MTM1: variants seen among roughly 807,000 people sequenced by gnomAD.
The protein encoded by MTM1 is myotubularin.
MTM1 carries 9 observed loss-of-function variants against 52.1 expected under a neutral mutation model. The ratio of observed to expected loss-of-function variants is 0.17; its 90% CI spans 0.10 to 0.30. MTM1 has a LOEUF of 0.30. MTM1 is among the 10% of genes least tolerant of loss of function. MTM1 has a pLI of 1.00. For missense variants in MTM1, 277 were observed against 470.7 expected (o/e 0.59, Z 3.81); for synonymous variants, 136 against 163.8 (o/e 0.83, Z 1.29).
At chrX:150,629,834 C>T (rs1480184631) in intron 6 of MTM1, among the ~76,000 whole-genome samples, 2 of 111,464 alleles carry the variant, frequency 1.8e-5, no homozygotes, top group Admixed American at 1.9e-4. Flanking sequence ...ACCCAGGTTT[C>T]AGTTTATTGT....
At chrX:150,626,145 A>G (rs906717975) in intron 6 of MTM1, among the ~76,000 whole-genome samples, 3 of 112,353 alleles carry the variant, frequency 2.7e-5, no homozygotes, top group East Asian at 5.6e-4. Flanking sequence ...AAACACTACC[A>G]TATCTACCCC....
At chrX:150,654,824 T>C (rs2040083160) in intron 10 of MTM1, among the ~76,000 whole-genome samples, 1 of 111,616 alleles carries the variant, frequency 9.0e-6, no homozygotes, top group Non-Finnish European at 1.9e-5. Flanking sequence ...TTCCTTGAAT[T>C]GGGTAAAATG....
chrX:150,668,718 TA>T (rs370935351), intron 14 of MTM1, among the ~76,000 whole-genome samples: 8 of 104,576 alleles, frequency 7.6e-5, no homozygotes, highest in African/African-American at 2.1e-4. Context: ...CCTGTCTCTT[TA>T]AAAAAAAAAC....
intron 4 of MTM1, among the ~76,000 whole-genome samples, chrX:150,606,785 C>T (rs1319620742): frequency 9.2e-6 from 1 of 108,248 alleles, no homozygotes; most frequent in Non-Finnish European, 1.9e-5. Flanking sequence ...TGTGAATCTG[C>T]TCAACTTCCT....
At chrX:150,583,229 TTA>T (rs1198427631) in intron 1 of MTM1, among the ~76,000 whole-genome samples, 6 of 68,737 alleles carry the variant, frequency 8.7e-5, no homozygotes, top group East Asian at 4.6e-4. Context: ...ATTATATAAA[TTA>T]TATATAAATT....
At position 150,659,679 on chromosome X, in the gene MTM1, G is replaced by A. The variant is rs1557414596; in HGVS notation, c.1276G>A (p.Asp426Asn). Reference protein sequence around the residue: ...HKFASRIGHGDKNHTDADRSP... With the variant: ...HKFASRIGHGNKNHTDADRSP... Reference sequence around the variant, plus strand: ...ATTTATTCAGCGAATAGGTCATGGTGATAAAAACCACACCGATGCTGACCG... The same window carrying A: ...ATTTATTCAGCGAATAGGTCATGGTAATAAAAACCACACCGATGCTGACCG... Residue 426 changes from aspartate to asparagine, a missense_variant, in exon 12 of 15, where the codon GAT becomes AAT. Coordinates refer to ENST00000370396, the MANE Select transcript of MTM1 (RefSeq NM_000252.3). 2 of 1,210,502 alleles carry A rather than the reference G, an allele frequency of 1.7e-6. No homozygotes were observed. The highest frequency in any genetic ancestry group is 1.7e-5 in the African/African-American group (1 of 57,783).
At chrX:150,662,112 A>G (rs1049009679) in intron 13 of MTM1, among the ~76,000 whole-genome samples, 3 of 111,509 alleles carry the variant, frequency 2.7e-5, no homozygotes, top group Non-Finnish European at 5.7e-5. Flanking sequence ...AAGAGGTGAG[A>G]GAGAGCACTT....
rs781801534 is a variant in MTM1 at position 150,661,394 on chromosome X, G to C, written c.1467+910G>C. 1.9e-3 allele frequency among the ~76,000 whole-genome samples: 214 copies of C among 111,638 alleles called. 1 individual carries two copies. The highest frequency in any genetic ancestry group is 6.7e-3 in the African/African-American group (205 of 30,712). On this transcript the variant is annotated intron_variant, in intron 13 of 14. Coordinates refer to ENST00000370396, the MANE Select transcript of MTM1 (RefSeq NM_000252.3). ...AACTATGACAGAGGTTCCCCCAAAA[G>C]TAAAAATATAGCTACCATACGATCC...
intron 1 of MTM1, among the ~76,000 whole-genome samples, chrX:150,578,838 T>C (rs1415280801): frequency 1.8e-5 from 2 of 109,972 alleles, no homozygotes. Context: ...TTTTTTTTTT[T>C]TCTTTTCAAG....
chrX:150,602,017 C>G (rs782444708), intron 4 of MTM1, among the ~76,000 whole-genome samples: 2 of 112,078 alleles, frequency 1.8e-5, no homozygotes, highest in African/African-American at 6.5e-5. Flanking sequence ...ACCTCAAGAG[C>G]CACACCCTCT....
intron 7 of MTM1, among the ~76,000 whole-genome samples, chrX:150,640,970 G>C (rs782032236): frequency 1.8e-5 from 2 of 111,740 alleles, no homozygotes; most frequent in African/African-American, 3.3e-5. Context: ...TATCTGTGTG[G>C]TACAGGTAGT....
Position 150,568,646 on chromosome X carries a change from G to A in MTM1, c.-27G>A, listed in dbSNP as rs1360699418. On this transcript the variant is annotated 5_prime_UTR_variant, in exon 1 of 15. Transcript: ENST00000370396. ...AGCCGAGCAGCCTGGCAACGGCGGT[G>A]GCGCCCGGAGCCCGAGGTGGGTGCG... 2 of 113,132 alleles carry A rather than the reference G, an allele frequency of 1.8e-5. No homozygotes were observed. The highest frequency in any genetic ancestry group is 3.8e-5 in the Non-Finnish European group (2 of 53,260). The allele number at this position is 113,132 out of a possible 1,213,427, so 9.3% of individuals were successfully genotyped here.
intron 1 of MTM1, among the ~76,000 whole-genome samples, chrX:150,582,581 A>G (rs1178698795): frequency 2.7e-5 from 3 of 111,463 alleles, no homozygotes; most frequent in Non-Finnish European, 5.6e-5. Flanking sequence ...CTCATCCAGC[A>G]TGACTGGGGT....
At chrX:150,669,680 G>T (rs1183286854) in intron 14 of MTM1, among the ~76,000 whole-genome samples, 3 of 112,177 alleles carry the variant, frequency 2.7e-5, no homozygotes, top group Non-Finnish European at 3.8e-5. Flanking sequence ...TTTGAGAAGT[G>T]TCTGTTCATA....
intron 6 of MTM1, among the ~76,000 whole-genome samples, chrX:150,628,242 A>G (rs2039603274): frequency 8.9e-6 from 1 of 111,979 alleles, no homozygotes; most frequent in Non-Finnish European, 1.9e-5. Flanking sequence ...GCTTCTGAGT[A>G]AAAAAGTCTC....
intron 4 of MTM1, among the ~76,000 whole-genome samples, chrX:150,611,658 G>A (rs1187116063): frequency 5.4e-5 from 6 of 111,184 alleles, no homozygotes; most frequent in Non-Finnish European, 7.5e-5. Context: ...TATTTTTCCC[G>A]CACTCACTTT....
intron 5 of MTM1, among the ~76,000 whole-genome samples, chrX:150,618,160 A>G (rs181646492): frequency 1.8e-5 from 2 of 111,745 alleles, no homozygotes; most frequent in African/African-American, 6.5e-5. Flanking sequence ...AATATGGGCT[A>G]CTTTAATGTG....
At chrX:150,568,255 A>T (rs1193547740), upstream of MTM1, among the ~76,000 whole-genome samples, 1 of 112,927 alleles carries the variant, frequency 8.9e-6, no homozygotes, top group African/African-American at 3.2e-5. Context: ...AAATGGGGAG[A>T]CCCAGACAAG....
At chrX:150,580,100 A>G (rs782143144) in intron 1 of MTM1, among the ~76,000 whole-genome samples, 13 of 111,981 alleles carry the variant, frequency 1.2e-4, no homozygotes, top group Non-Finnish European at 2.4e-4. Context: ...GAAAGAAGAA[A>G]TGCTTTCTAA....
Sources: gnomAD v4.1 joint callset for allele counts (sites outside exome capture counted in the v4.1 genomes callset) on GRCh38, gnomAD v4.1.1 for gene constraint, MANE v1.5 for transcripts, NCBI Gene and HGNC (gene_info 2026-07-23, HGNC 2026-07-21) for gene names.